MAPRE2: variants seen among roughly 807,000 people sequenced by gnomAD.
The protein encoded by MAPRE2 is microtubule-associated protein RP/EB family member 2.
Under a neutral mutation model 43.2 loss-of-function variants are expected in MAPRE2, and 13 were observed. The ratio of observed to expected loss-of-function variants is 0.30; its 90% CI spans 0.20 to 0.48. The LOEUF (loss-of-function observed/expected upper bound fraction) is 0.48, where lower values mean the gene tolerates loss of function less well. MAPRE2 is among the 20% of genes least tolerant of loss of function. The pLI, the probability that MAPRE2 is intolerant of heterozygous loss-of-function variation, is 0.99. For synonymous variants in MAPRE2, 135 were observed against 148.8 expected, an observed-to-expected ratio of 0.91 and a Z score of 0.68; for missense variants, 161 against 400.2, an observed-to-expected ratio of 0.40 and a Z score of 5.10.
chr18:35,141,338 C>G lies in MAPRE2; in HGVS notation c.*969C>G, dbSNP rs968824555. ...AACTTCAGGTGTGCAGCCCTGAGCTCCAAGGCTCTGCACCATGCCACACAC... is the reference window on the plus strand; with the variant it reads ...AACTTCAGGTGTGCAGCCCTGAGCTGCAAGGCTCTGCACCATGCCACACAC... On this transcript the variant is annotated 3_prime_UTR_variant, in exon 7 of 7. Coordinates refer to ENST00000300249, the MANE Select transcript of MAPRE2 (RefSeq NM_014268.4). 1 of 152,230 alleles carries G rather than the reference C, an allele frequency of 6.6e-6. No individual in the cohort carries two copies. Among genetic ancestry groups the G allele is most frequent in the Admixed American group, 6.5e-5 (1 of 15,282 alleles). 9.4% of individuals were successfully genotyped at this position (152,230 alleles called of 1,614,324 possible). A position where few individuals can be genotyped will look rare whatever the true frequency, so the allele number is the denominator to read the frequency against.
intron 1 of MAPRE2, among the ~76,000 whole-genome samples, chr18:34,985,246 A>T (rs1377277209): frequency 2.1e-5 from 1 of 46,550 alleles, no homozygotes; most frequent in Non-Finnish European, 3.5e-5. Flanking sequence ...TATATAATAT[A>T]AAATATATAA....
At chr18:35,111,182 A>G (rs1001418141) in intron 4 of MAPRE2, among the ~76,000 whole-genome samples, 1 of 152,084 alleles carries the variant, frequency 6.6e-6, no homozygotes. Flanking sequence ...GTTGATGTAA[A>G]TTCAAGTTTA....
intron 1 of MAPRE2, among the ~76,000 whole-genome samples, chr18:35,065,813 C>T (rs763748309): frequency 2.0e-5 from 3 of 152,190 alleles, no homozygotes; most frequent in Admixed American, 6.5e-5. Context: ...CTCGGCCTCC[C>T]AAAGTGCTGG....
At chr18:34,995,675 C>T (rs1195008222) in intron 1 of MAPRE2, among the ~76,000 whole-genome samples, 5 of 152,094 alleles carry the variant, frequency 3.3e-5, no homozygotes, top group African/African-American at 7.2e-5. Flanking sequence ...ACTTCACATC[C>T]TTAGTTTTGC....
chr18:35,091,001 C>T (rs925524950), intron 2 of MAPRE2, among the ~76,000 whole-genome samples: 13 of 151,830 alleles, frequency 8.6e-5, no homozygotes, highest in African/African-American at 2.7e-4. Context: ...ATAAACTTAG[C>T]GAAGGAGCTG....
At chr18:35,131,802 T>G in intron 5 of MAPRE2, 1 of 518,702 alleles carries the variant, frequency 1.9e-6, no homozygotes, top group Non-Finnish European at 3.5e-6. Context: ...CCCTGGTTAA[T>G]AAACGCTCAG....
At chr18:35,012,710 GAAA>G (rs2150583656) in intron 2 of MAPRE2, among the ~76,000 whole-genome samples, 1 of 152,310 alleles carries the variant, frequency 6.6e-6, no homozygotes, top group African/African-American at 2.4e-5. Flanking sequence ...CATGGAGACA[GAAA>G]GTTGAATGGT....
intron 3 of MAPRE2, among the ~76,000 whole-genome samples, chr18:35,100,220 T>G (rs1391625000): frequency 6.6e-6 from 1 of 152,166 alleles, no homozygotes; most frequent in Non-Finnish European, 1.5e-5. Flanking sequence ...AAGAATCCAG[T>G]GATAATATAA....
At chr18:35,091,992 C>T (rs575801687) in intron 2 of MAPRE2, among the ~76,000 whole-genome samples, 1 of 152,356 alleles carries the variant, frequency 6.6e-6, no homozygotes, top group African/African-American at 2.4e-5. Flanking sequence ...CAAGGGAAAG[C>T]AGGCACATCT....
intron 1 of MAPRE2, among the ~76,000 whole-genome samples, chr18:35,053,381 G>A (rs925700303): frequency 8.6e-5 from 13 of 151,842 alleles, no homozygotes; most frequent in African/African-American, 3.1e-4. Flanking sequence ...GCAACAGAGC[G>A]AGACTCCATC....
At chr18:34,989,650 G>A (rs2097022748) in intron 1 of MAPRE2, among the ~76,000 whole-genome samples, 1 of 152,138 alleles carries the variant, frequency 6.6e-6, no homozygotes, top group African/African-American at 2.4e-5. Flanking sequence ...GTTCAAGGCA[G>A]CAGGGAGCTA....
At chr18:34,982,399 T>G (rs938187139) in intron 1 of MAPRE2, among the ~76,000 whole-genome samples, 1 of 152,138 alleles carries the variant, frequency 6.6e-6, no homozygotes, top group African/African-American at 2.4e-5. Context: ...TCCTCCAACT[T>G]ACACTTGACT....
intron 1 of MAPRE2, among the ~76,000 whole-genome samples, chr18:34,979,674 C>CAA (rs957690857): frequency 4.0e-5 from 6 of 151,850 alleles, no homozygotes; most frequent in African/African-American, 1.5e-4. Context: ...ATTTTGCATA[C>CAA]AAAAAAGTCA....
chr18:35,133,887 C>T (rs375285914), intron 6 of MAPRE2, among the ~76,000 whole-genome samples: 1 of 152,278 alleles, frequency 6.6e-6, no homozygotes. Flanking sequence ...CTGCCATACC[C>T]ATCACCACCC....
chr18:35,090,090 A>G (rs1908071192), intron 2 of MAPRE2, among the ~76,000 whole-genome samples: 1 of 152,202 alleles, frequency 6.6e-6, no homozygotes, highest in Non-Finnish European at 1.5e-5. Flanking sequence ...AGTCAGATCC[A>G]TAGAGACAGA....
chr18:34,977,268 G>A (rs2097013683), intron 1 of MAPRE2, among the ~76,000 whole-genome samples: 2 of 152,170 alleles, frequency 1.3e-5, no homozygotes, highest in Admixed American at 1.3e-4. Context: ...GGTCGGCTAG[G>A]CGGTCTCCGG....
chr18:35,023,516 A>AATAT (rs148989194), intron 2 of MAPRE2, among the ~76,000 whole-genome samples: 28 of 148,092 alleles, frequency 1.9e-4, no homozygotes, highest in African/African-American at 5.9e-4. Flanking sequence ...CTTCGCAAAA[A>AATAT]ATATATATAT....
At chr18:35,035,604 C>T (rs756155286) in intron 2 of MAPRE2, among the ~76,000 whole-genome samples, 10 of 151,518 alleles carry the variant, frequency 6.6e-5, no homozygotes, top group Non-Finnish European at 1.0e-4. Flanking sequence ...TGAAACCCAG[C>T]CTCTTAAAAA....
At chr18:35,067,965 T>A (rs1223921956) in intron 1 of MAPRE2, among the ~76,000 whole-genome samples, 1 of 152,200 alleles carries the variant, frequency 6.6e-6, no homozygotes, top group Non-Finnish European at 1.5e-5. Context: ...GTAATTATGG[T>A]CACACTATCT....
Sources: allele counts gnomAD v4.1 joint callset (sites outside exome capture counted in the v4.1 genomes callset), GRCh38; gene constraint gnomAD v4.1.1; transcripts MANE v1.5; gene names NCBI Gene and HGNC (gene_info 2026-07-23, HGNC 2026-07-21).